The following MACROD2 variants were observed in gnomAD, a reference collection of about 807,000 sequenced individuals.
MACROD2 encodes mono-ADP ribosylhydrolase 2.
Under a neutral mutation model 70.4 loss-of-function variants are expected in MACROD2, and 36 were observed. The ratio of observed to expected loss-of-function variants is 0.51; its 90% CI spans 0.39 to 0.68. MACROD2 has a LOEUF of 0.68. MACROD2 is among the 30% of genes least tolerant of loss of function. The probability of loss-of-function intolerance (pLI) is 0.00; values close to 1 mark genes in which losing one functional copy is unlikely to be tolerated. For missense variants in MACROD2, 496 were observed against 538.4 expected (o/e 0.92, Z 0.78); for synonymous variants, 172 against 178.8 (o/e 0.96, Z 0.30).
chr20:14,010,681 A>G (rs1246102692), intron 2 of MACROD2, among the ~76,000 whole-genome samples: 2 of 145,478 alleles, frequency 1.4e-5, no homozygotes, highest in African/African-American at 4.9e-5. Context: ...ATTGTCTGGC[A>G]CTGGTTTGGA....
chr20:15,542,226 T>G (rs868598906), intron 8 of MACROD2, among the ~76,000 whole-genome samples: 14 of 152,328 alleles, frequency 9.2e-5, no homozygotes, highest in Middle Eastern at 6.8e-3. Context: ...TGTGTGACCC[T>G]GAGTGAGTCA....
At chr20:14,233,006 C>T (rs1207060416) in intron 3 of MACROD2, among the ~76,000 whole-genome samples, 2 of 152,128 alleles carry the variant, frequency 1.3e-5, no homozygotes, top group Non-Finnish European at 2.9e-5. Flanking sequence ...CTTGTTGTGT[C>T]TCAGGGAATA....
intron 8 of MACROD2, among the ~76,000 whole-genome samples, chr20:15,560,378 T>C (rs2048225323): frequency 6.6e-6 from 1 of 152,190 alleles, no homozygotes; most frequent in Non-Finnish European, 1.5e-5. Flanking sequence ...TATGATAAGA[T>C]GATAAAACAA....
chr20:16,030,716 G>A (rs2147580389), intron 15 of MACROD2, among the ~76,000 whole-genome samples: 1 of 152,224 alleles, frequency 6.6e-6, no homozygotes, highest in East Asian at 1.9e-4. Flanking sequence ...GAACAGCAAA[G>A]ACCAAATTAC....
intron 15 of MACROD2, among the ~76,000 whole-genome samples, chr20:16,009,842 G>A (rs1433436751): frequency 2.6e-5 from 4 of 152,036 alleles, no homozygotes; most frequent in African/African-American, 4.8e-5. Flanking sequence ...TCTTTCTGCC[G>A]CCCATCCTAT....
intron 4 of MACROD2, among the ~76,000 whole-genome samples, chr20:14,556,346 A>T (rs1244274853): frequency 6.6e-6 from 1 of 152,030 alleles, no homozygotes; most frequent in East Asian, 1.9e-4. Context: ...ACTGCTAGGA[A>T]TTTTTGGAAC....
chr20:14,082,746 G>C (rs2054016304), intron 2 of MACROD2, among the ~76,000 whole-genome samples: 2 of 152,110 alleles, frequency 1.3e-5, no homozygotes, highest in Non-Finnish European at 2.9e-5. Context: ...ATAGAGTTCT[G>C]AAACATCTTC....
chr20:14,271,646 ATGACTT>A, intron 3 of MACROD2, among the ~76,000 whole-genome samples: 1 of 152,366 alleles, frequency 6.6e-6, no homozygotes, highest in Admixed American at 6.5e-5. Context: ...TGAATGGAGA[ATGACTT>A]TGACGAGTTG....
At chr20:15,762,324 G>C (rs536893908) in intron 8 of MACROD2, among the ~76,000 whole-genome samples, 1 of 152,290 alleles carries the variant, frequency 6.6e-6, no homozygotes, top group African/African-American at 2.4e-5. Context: ...TCCAGGGCCA[G>C]AGCTAGTAAG....
chr20:15,454,667 C>CAGTGATGGTGGA (rs1226031440), intron 7 of MACROD2, among the ~76,000 whole-genome samples: 41 of 61,486 alleles, frequency 6.7e-4, no homozygotes, highest in East Asian at 2.2e-3. Flanking sequence ...GTCACGCTGG[C>CAGTGATGGTGGA]TCTCTTCATA....
chr20:14,228,506 T>A (rs1045404569), intron 3 of MACROD2, among the ~76,000 whole-genome samples: 1 of 152,012 alleles, frequency 6.6e-6, no homozygotes, highest in Admixed American at 6.6e-5. Context: ...CCCAGCTAAT[T>A]TTTGTATTTT....
intron 8 of MACROD2, among the ~76,000 whole-genome samples, chr20:15,738,356 T>C (rs2051056154): frequency 6.6e-6 from 1 of 152,024 alleles, no homozygotes; most frequent in African/African-American, 2.4e-5. Context: ...GAAGTAAAGA[T>C]TAGAGAATTT....
intron 5 of MACROD2, among the ~76,000 whole-genome samples, chr20:14,812,534 C>T (rs372806050): frequency 1.3e-5 from 2 of 151,952 alleles, no homozygotes; most frequent in Admixed American, 1.3e-4. Context: ...CAAACCTGCA[C>T]GTTCTGCACA....
At chr20:14,688,215 A>G (rs966056214) in intron 5 of MACROD2, among the ~76,000 whole-genome samples, 20 of 152,312 alleles carry the variant, frequency 1.3e-4, no homozygotes, top group Middle Eastern at 6.8e-3. Flanking sequence ...TTATAGGGGT[A>G]CTAAAGCCAG....
chr20:14,346,093 C>CAAAAAAAAA (rs71190130), intron 3 of MACROD2, among the ~76,000 whole-genome samples: 13 of 41,176 alleles, frequency 3.2e-4, no homozygotes, highest in Admixed American at 1.0e-3. Flanking sequence ...GATTCTGCCT[C>CAAAAAAAAA]AAAAAAAAAA....
chr20:14,534,200 G>A (rs573738603), intron 4 of MACROD2, among the ~76,000 whole-genome samples: 4 of 152,308 alleles, frequency 2.6e-5, no homozygotes, highest in Admixed American at 1.3e-4. Flanking sequence ...AGATTCGAGC[G>A]TTGCTTTATC....
At position 15,936,671 on chromosome 20, in the gene MACROD2, G is replaced by GTATATATATA. The variant is rs10626103; in HGVS notation, c.839-797_839-788dup. Among the ~76,000 whole-genome samples the GTATATATATA allele has an allele frequency of 6.3e-5, 9 of 143,298 alleles. No homozygotes were observed. In the East Asian group the frequency reaches 6.4e-4, roughly 10 times the overall value. The allele number at this position is 143,298 out of a possible 152,430, so 94.0% of individuals were successfully genotyped here. ...TTTTGTCCATAATGTGTATATGTGT[G>GTATATATATA]TATATATATATATATATTCATTTTC... On this transcript the variant is annotated intron_variant, in intron 11 of 17. Transcript: ENST00000684519.
intron 8 of MACROD2, among the ~76,000 whole-genome samples, chr20:15,635,695 C>T (rs12106127): frequency 0.085 from 12,930 of 152,200 alleles, 776 homozygotes; most frequent in East Asian, 0.18. Flanking sequence ...GCAATATACA[C>T]ATGTAACAAA....
chr20:14,676,091 C>G (rs965915787), intron 4 of MACROD2, among the ~76,000 whole-genome samples: 1 of 152,020 alleles, frequency 6.6e-6, no homozygotes, highest in Admixed American at 6.6e-5. Flanking sequence ...TCCCACACAA[C>G]AATAGTGGGA....
Sources: allele counts gnomAD v4.1 joint callset (sites outside exome capture counted in the v4.1 genomes callset), GRCh38; gene constraint gnomAD v4.1.1; transcripts MANE v1.5; gene names NCBI Gene and HGNC (gene_info 2026-07-23, HGNC 2026-07-21).